POU6F2: variants seen among roughly 807,000 people sequenced by gnomAD.
POU6F2 encodes POU class 6 homeobox 2.
A neutral mutation model predicts 71.3 loss-of-function variants in POU6F2; 31 were observed. The observed-to-expected ratio is 0.43, with a 90% CI of 0.33 to 0.59. The LOEUF (loss-of-function observed/expected upper bound fraction) is 0.59, where lower values mean the gene tolerates loss of function less well. Ranked by LOEUF, POU6F2 falls within the 20% of genes least tolerant of loss-of-function variation. POU6F2 has a pLI of 0.04. For missense variants in POU6F2, 783 were observed against 856.8 expected (o/e 0.91, Z 1.07); for synonymous variants, 347 against 355.7 (o/e 0.98, Z 0.27).
intron 1 of POU6F2, among the ~76,000 whole-genome samples, chr7:38,986,352 T>C (rs970205003): frequency 6.6e-6 from 1 of 152,096 alleles, no homozygotes; most frequent in Non-Finnish European, 1.5e-5. Context: ...ACATCAAGTT[T>C]GTGGTAAGAA....
In POU6F2 at chr7:39,120,875, G is replaced by A. The variant is rs1158732575; in HGVS notation, c.277+34844G>A. On this transcript the variant is annotated intron_variant, in intron 2 of 9. Coordinates refer to ENST00000518318, the MANE Select transcript of POU6F2 (RefSeq NM_001370959.1). The stretch of plus-strand genomic sequence containing the variant: ...ATCTGATACAGGAGTGCCAGGACTG[G>A]TGAGAATCACATAAACTGGAGAAAT... 52 of 152,096 alleles carry A rather than the reference G, an allele frequency of 3.4e-4. 1 individual carries two copies. The highest frequency in any genetic ancestry group is 3.4e-3 in the Admixed American group (52 of 15,268). The allele number at this position is 152,096 out of a possible 1,614,324, so 9.4% of individuals were successfully genotyped here.
chr7:38,993,302 T>C (rs151216329), intron 1 of POU6F2, among the ~76,000 whole-genome samples: 1,584 of 152,146 alleles, frequency 0.01, 27 homozygotes, highest in African/African-American at 0.035. Context: ...AAAAGGAATA[T>C]AGGCAAAGGT....
rs550398697 is a variant in POU6F2 at position 39,123,426 on chromosome 7, G to A, written c.277+37395G>A. 5.9e-5 allele frequency among the ~76,000 whole-genome samples: 9 copies of A among 152,340 alleles called. No homozygotes were observed. In the East Asian group the frequency reaches 1.4e-3, roughly 23 times the overall value. On this transcript the variant is annotated intron_variant, in intron 2 of 9. Coordinates refer to ENST00000518318, the MANE Select transcript of POU6F2 (RefSeq NM_001370959.1). The stretch of plus-strand genomic sequence containing the variant: ...AGAAAGTTGGTGAGAAATAGAACAT[G>A]TGTTTGATTAGATACTTGTGAAAAT...
Position 39,224,462 on chromosome 7 carries a change from T to A in POU6F2, c.598+16842T>A, listed in dbSNP as rs1037308762. The stretch of plus-strand genomic sequence containing the variant: ...CCAGGTTATGTCTTGGGCAGTTATG[T>A]CTTCTTAGCTAAATTCTCCAAGTCT... On this transcript the variant is annotated intron_variant, in intron 4 of 9. Transcript: ENST00000518318. 4.6e-5 allele frequency among the ~76,000 whole-genome samples: 7 copies of A among 151,954 alleles called. No homozygotes were observed. In the East Asian group the frequency reaches 1.3e-3, roughly 29 times the overall value.
chr7:39,373,497 T>A, intron 5 of POU6F2: 1 of 456,222 alleles, frequency 2.2e-6, no homozygotes, highest in Non-Finnish European at 4.4e-6. Context: ...CAAGGAGGAG[T>A]ATGGACTAAG....
intron 4 of POU6F2, among the ~76,000 whole-genome samples, chr7:39,296,200 G>C (rs573939899): frequency 3.3e-5 from 5 of 152,258 alleles, no homozygotes. Flanking sequence ...GTGAGAACAA[G>C]AGAAAATGGA....
At chr7:39,135,900 T>G (rs1469263734) in intron 2 of POU6F2, among the ~76,000 whole-genome samples, 1 of 152,170 alleles carries the variant, frequency 6.6e-6, no homozygotes, top group Non-Finnish European at 1.5e-5. Context: ...CTAAATAATG[T>G]TTTGAATTAA....
intron 2 of POU6F2, among the ~76,000 whole-genome samples, chr7:39,143,538 T>C (rs1211375553): frequency 6.6e-6 from 1 of 152,192 alleles, no homozygotes; most frequent in Non-Finnish European, 1.5e-5. Context: ...ATAGCAATGT[T>C]TACCCAAACA....
chr7:39,208,639 A>G (rs1175121417), intron 4 of POU6F2, among the ~76,000 whole-genome samples: 2 of 152,152 alleles, frequency 1.3e-5, no homozygotes, highest in African/African-American at 4.8e-5. Context: ...TACCCCACCC[A>G]TTGTTGCCAC....
At chr7:39,125,623 AAG>A (rs773652772) in intron 2 of POU6F2, among the ~76,000 whole-genome samples, 8 of 152,188 alleles carry the variant, frequency 5.3e-5, no homozygotes, top group Non-Finnish European at 2.9e-5. Context: ...AGCTTCAAAA[AAG>A]AGAGCAAGAA....
intron 4 of POU6F2, among the ~76,000 whole-genome samples, chr7:39,324,835 G>A (rs559765457): frequency 7.9e-5 from 12 of 152,122 alleles, no homozygotes; most frequent in Admixed American, 1.3e-4. Context: ...CCCTTTTCTC[G>A]CAGCAGAGTG....
chr7:39,045,218 A>C (rs994128979), intron 1 of POU6F2, among the ~76,000 whole-genome samples: 8 of 151,982 alleles, frequency 5.3e-5, no homozygotes, highest in African/African-American at 1.9e-4. Flanking sequence ...CTATAGCTCG[A>C]ACTGAGAAAT....
intron 4 of POU6F2, among the ~76,000 whole-genome samples, chr7:39,271,200 A>G (rs1274881730): frequency 6.6e-6 from 1 of 152,246 alleles, no homozygotes; most frequent in Non-Finnish European, 1.5e-5. Context: ...CTCATGAGAC[A>G]TGAAAACTAT....
At chr7:39,285,964 C>T (rs1234174523) in intron 4 of POU6F2, among the ~76,000 whole-genome samples, 4 of 152,156 alleles carry the variant, frequency 2.6e-5, no homozygotes, top group Admixed American at 6.5e-5. Context: ...CACGTTGATT[C>T]GCAATAAATG....
intron 7 of POU6F2, among the ~76,000 whole-genome samples, chr7:39,446,745 G>C (rs1788531997): frequency 6.6e-6 from 1 of 152,178 alleles, no homozygotes; most frequent in Admixed American, 6.5e-5. Flanking sequence ...TTCTGTGTGT[G>C]GGATGGACAT....
chr7:39,022,305 T>C (rs1322940826), intron 1 of POU6F2, among the ~76,000 whole-genome samples: 1 of 152,094 alleles, frequency 6.6e-6, no homozygotes, highest in Non-Finnish European at 1.5e-5. Flanking sequence ...AAATGAAACA[T>C]ATATATATGT....
At chr7:39,286,976 T>C (rs1784662061) in intron 4 of POU6F2, among the ~76,000 whole-genome samples, 1 of 151,494 alleles carries the variant, frequency 6.6e-6, no homozygotes, top group Admixed American at 6.6e-5. Flanking sequence ...AGAGGGAGTT[T>C]GTAGTCGAAT....
At chr7:39,361,675 A>G (rs1786392408) in intron 5 of POU6F2, among the ~76,000 whole-genome samples, 1 of 152,238 alleles carries the variant, frequency 6.6e-6, no homozygotes, top group Non-Finnish European at 1.5e-5. Context: ...GACAGTTCAA[A>G]AAACATTTTT....
chr7:39,396,319 T>C (rs1787173777), intron 5 of POU6F2, among the ~76,000 whole-genome samples: 1 of 152,138 alleles, frequency 6.6e-6, no homozygotes, highest in Non-Finnish European at 1.5e-5. Flanking sequence ...TAAAAAGAAA[T>C]GCATCCATTT....
Sources: allele counts gnomAD v4.1 joint callset (sites outside exome capture counted in the v4.1 genomes callset), GRCh38; gene constraint gnomAD v4.1.1; transcripts MANE v1.5; gene names NCBI Gene and HGNC (gene_info 2026-07-23, HGNC 2026-07-21).